FGF18: variants seen among roughly 807,000 people sequenced by gnomAD.
FGF18 encodes the protein fibroblast growth factor 18.
A neutral mutation model predicts 23.0 loss-of-function variants in FGF18; 5 were observed. The observed-to-expected ratio is 0.22, with a 90% CI of 0.11 to 0.46. The LOEUF (loss-of-function observed/expected upper bound fraction) is 0.46. Ranked by LOEUF, FGF18 falls within the 20% of genes least tolerant of loss-of-function variation. FGF18 has a pLI of 0.99. For missense variants in FGF18, 180 were observed against 291.6 expected (o/e 0.62, Z 2.79); for synonymous variants, 117 against 118.9 (o/e 0.98, Z 0.10).
intron 4 of FGF18, among the ~76,000 whole-genome samples, chr5:171,452,867 AAAC>A (rs1404455716): frequency 6.6e-6 from 1 of 152,216 alleles, no homozygotes; most frequent in African/African-American, 2.4e-5. Flanking sequence ...CTTATATAGC[AAAC>A]AACAACAACA....
At chr5:171,452,740 A>G (rs1772534777) in intron 4 of FGF18, among the ~76,000 whole-genome samples, 1 of 152,234 alleles carries the variant, frequency 6.6e-6, no homozygotes, top group East Asian at 1.9e-4. Flanking sequence ...ATAGAGCCAC[A>G]GACCTTTTCA....
intron 2 of FGF18, among the ~76,000 whole-genome samples, chr5:171,425,043 C>T (rs1324221599): frequency 6.6e-6 from 1 of 152,204 alleles, no homozygotes; most frequent in Non-Finnish European, 1.5e-5. Flanking sequence ...TCCAAGGACG[C>T]ACTGGACCCC....
rs976565372 is a variant in FGF18, at chr5:171,420,131, C to T, written c.-69C>T. ...CGGCGGCGGCGGCGGCGGAGGCGCC[C>T]GGTCCCGGCCGCGCGGAGCGGACAT... On this transcript the variant is annotated 5_prime_UTR_variant, in exon 1 of 5. Transcript: ENST00000274625. 1 of 1,303,770 alleles carries T rather than the reference C, an allele frequency of 7.7e-7. No homozygotes were observed. The highest frequency in any genetic ancestry group is 9.7e-7 in the Non-Finnish European group (1 of 1,027,294). 80.8% of individuals were successfully genotyped at this position (1,303,770 alleles called of 1,614,324 possible).
In FGF18 at chr5:171,440,445, G is replaced by A. The variant is rs945628214; in HGVS notation, c.250+4172G>A. On this transcript the variant is annotated intron_variant, in intron 3 of 4. Coordinates refer to ENST00000274625, the MANE Select transcript of FGF18 (RefSeq NM_003862.3). This position sits in a 1 kb window ranked among gnomAD's most constrained non-coding sequence, Gnocchi z 4.0. The stretch of plus-strand genomic sequence containing the variant: ...GAGGGCCTTTGGCTCCCCTGATTGC[G>A]TGTGTCTCCCCTCAGTCCCTTATTC... Among the ~76,000 whole-genome samples the A allele has an allele frequency of 3.3e-5, 5 of 152,090 alleles. No homozygotes were observed. Among genetic ancestry groups the A allele is most frequent in the Admixed American group, 6.5e-5 (1 of 15,268 alleles).
At chr5:171,437,054 TG>T (rs1028516730) in intron 3 of FGF18, among the ~76,000 whole-genome samples, 4 of 152,240 alleles carry the variant, frequency 2.6e-5, no homozygotes, top group Admixed American at 2.6e-4. Flanking sequence ...CGAGGCCTCC[TG>T]GTCCTTGCCA....
rs376286619 is a variant in FGF18, at chr5:171,435,710, C to T, written c.70-383C>T. ...ACGTGGATTGGAGTACTTTTCTTCC[C>T]GTTTGCTCACTTAGTCCTCACAGCT... On this transcript the variant is annotated intron_variant, in intron 2 of 4. Coordinates refer to ENST00000274625, the MANE Select transcript of FGF18 (RefSeq NM_003862.3). Among the ~76,000 whole-genome samples, 9 of 152,234 alleles carry T rather than the reference C, an allele frequency of 5.9e-5. No individual in the cohort carries two copies. The South Asian group carries it at 1.2e-3, about 21-fold the overall frequency.
chr5:171,431,498 C>G (rs1484167277), intron 2 of FGF18, among the ~76,000 whole-genome samples: 2 of 152,134 alleles, frequency 1.3e-5, no homozygotes, highest in Non-Finnish European at 2.9e-5. Flanking sequence ...ATTTGAGCCT[C>G]TTGGGGCCTC....
chr5:171,443,625 C>T (rs1398438569), intron 3 of FGF18, among the ~76,000 whole-genome samples: 1 of 147,430 alleles, frequency 6.8e-6, no homozygotes, highest in East Asian at 2.1e-4. Context: ...GCTGGGATTA[C>T]AGGCGTGAGC....
chr5:171,420,169 C>G lies in FGF18; in HGVS notation c.-31C>G. 1 of 1,534,528 alleles carries G rather than the reference C, an allele frequency of 6.5e-7. No individual in the cohort carries two copies. Among genetic ancestry groups the G allele is most frequent in the Non-Finnish European group, 8.7e-7 (1 of 1,145,514 alleles). On this transcript the variant is annotated 5_prime_UTR_variant, in exon 1 of 5. Transcript: ENST00000274625. ...GCGGAGCGGACATGTGCAGGCTGGG[C>G]TAGGAGCCGCCGCCTCCCTCCCGCC...
At chr5:171,454,250 A>T (rs903950316) in intron 4 of FGF18, among the ~76,000 whole-genome samples, 1 of 152,154 alleles carries the variant, frequency 6.6e-6, no homozygotes, top group African/African-American at 2.4e-5. Context: ...GGAGGGATGA[A>T]AGCCATTTTC....
intron 4 of FGF18, among the ~76,000 whole-genome samples, chr5:171,449,783 A>C (rs1772471669): frequency 6.7e-6 from 1 of 150,334 alleles, no homozygotes; most frequent in Non-Finnish European, 1.5e-5. Flanking sequence ...TATTACTTTG[A>C]AACTGGCAAG....
chr5:171,442,394 C>T lies in FGF18; in HGVS notation c.250+6121C>T, dbSNP rs747129004. Among the ~76,000 whole-genome samples the T allele has an allele frequency of 2.0e-5, 3 of 152,306 alleles. No individual in the cohort carries two copies. In the South Asian group the frequency reaches 6.2e-4, roughly 32 times the overall value. Reference sequence around the variant, plus strand: ...AGTGGGGAAGGAGGGAGGGCTGACTCGGTGTGACCTCTCAGTGCTGTCTGT... The same window carrying T: ...AGTGGGGAAGGAGGGAGGGCTGACTTGGTGTGACCTCTCAGTGCTGTCTGT... On this transcript the variant is annotated intron_variant, in intron 3 of 4. Transcript: ENST00000274625.
rs1772014812 is a variant in FGF18, at chr5:171,421,907, A to C, written c.69+1464A>C. On this transcript the variant is annotated intron_variant, in intron 2 of 4. Transcript: ENST00000274625. ...GTGGGGGTGGGGAACGGCTGGTGTCAAAGAGGGAGGCCAGTGCCAGGCATG... is the reference window on the plus strand; with the variant it reads ...GTGGGGGTGGGGAACGGCTGGTGTCCAAGAGGGAGGCCAGTGCCAGGCATG... 2.0e-5 allele frequency among the ~76,000 whole-genome samples: 3 copies of C among 152,156 alleles called. 1 individual carries two copies. The South Asian group carries it at 6.2e-4, about 32-fold the overall frequency.
chr5:171,449,359 C>CGGTGTGTG, intron 4 of FGF18, 106 bp downstream of exon 4: 1 of 246,428 alleles, frequency 4.1e-6, no homozygotes, highest in Non-Finnish European at 7.8e-6. Context: ...GGAAAACAGG[C>CGGTGTGTG]CGTGTGTGTG....
rs1007198270 is a variant in FGF18, at chr5:171,456,305, C to G, written c.358-234C>G. Among the ~76,000 whole-genome samples, 1 of 152,192 alleles carries G rather than the reference C, an allele frequency of 6.6e-6. No homozygotes were observed. Among genetic ancestry groups the G allele is most frequent in the African/African-American group, 2.4e-5 (1 of 41,430 alleles). ...GTTAGGTGGCTTTAGCCAGAATCCC[C>G]TACACCCTCGATGTTTCCTCTTAGT... On this transcript the variant is annotated intron_variant, in intron 4 of 4. Coordinates refer to ENST00000274625, the MANE Select transcript of FGF18 (RefSeq NM_003862.3). The surrounding 1 kb of genome is among the most constrained non-coding windows in gnomAD (Gnocchi z 6.1).
At chr5:171,442,892 C>G (rs1263676279) in intron 3 of FGF18, among the ~76,000 whole-genome samples, 1 of 152,208 alleles carries the variant, frequency 6.6e-6, no homozygotes, top group Non-Finnish European at 1.5e-5. Flanking sequence ...TCATCACCAG[C>G]CTGCGTAAGG....
rs1772029280 is a variant in FGF18 at position 171,422,522 on chromosome 5, C to T, written c.69+2079C>T. On this transcript the variant is annotated intron_variant, in intron 2 of 4. Transcript: ENST00000274625. The stretch of plus-strand genomic sequence containing the variant: ...TGTGTCTGGAAGAGGGTTGCCTGCT[C>T]CCCACAGAGTTTCAAAACATCTATG... Among the ~76,000 whole-genome samples, 3 of 152,260 alleles carry T rather than the reference C, an allele frequency of 2.0e-5. No individual in the cohort carries two copies. In the South Asian group the frequency reaches 6.2e-4, roughly 32 times the overall value.
rs1442571008 is a variant in FGF18 at position 171,451,526 on chromosome 5, G to A, written c.357+2273G>A. ...CTGGCCTCCTACCATCCCGGAAATC[G>A]TTGCCCCAGCCGCCTGGCGTGTGGC... On this transcript the variant is annotated intron_variant, in intron 4 of 4. Transcript: ENST00000274625. This position sits in a 1 kb window ranked among gnomAD's most constrained non-coding sequence, Gnocchi z 4.5. Among the ~76,000 whole-genome samples the A allele has an allele frequency of 6.6e-6, 1 of 152,102 alleles. No homozygotes were observed. The highest frequency in any genetic ancestry group is 2.4e-5 in the African/African-American group (1 of 41,414).
chr5:171,448,730 T>G (rs963118934), intron 3 of FGF18, among the ~76,000 whole-genome samples: 3 of 152,032 alleles, frequency 2.0e-5, no homozygotes, highest in African/African-American at 4.8e-5. Flanking sequence ...CTGTCCTGCT[T>G]TGGGAAATGG....
Sources: allele counts gnomAD v4.1 joint callset (sites outside exome capture counted in the v4.1 genomes callset), GRCh38; gene constraint gnomAD v4.1.1; non-coding constraint Gnocchi (gnomAD v3.1); transcripts MANE v1.5; gene names NCBI Gene and HGNC (gene_info 2026-07-23, HGNC 2026-07-21).